CENPF: variants seen among roughly 807,000 people sequenced by gnomAD.
CENPF encodes centromere protein F.
In CENPF, 214 loss-of-function variants were observed where a neutral mutation model predicts 307.3. That is an observed-to-expected ratio of 0.70 (90% CI 0.62 to 0.78). The LOEUF (loss-of-function observed/expected upper bound fraction) is 0.78, where lower values mean the gene tolerates loss of function less well. CENPF is among the 30% of genes least tolerant of loss of function. CENPF has a pLI of 0.00. For missense variants in CENPF, 3,401 were observed against 3,483.9 expected, an observed-to-expected ratio of 0.98 and a Z score of 0.60; for synonymous variants, 1,259 against 1,270.6, an observed-to-expected ratio of 0.99 and a Z score of 0.19.
At chr1:214,616,466 G>A (rs1657341874) in intron 3 of CENPF, among the ~76,000 whole-genome samples, 1 of 152,126 alleles carries the variant, frequency 6.6e-6, no homozygotes. Flanking sequence ...TGTGGCTGGT[G>A]CAAATTGAGA....
intron 8 of CENPF, 79 bp from the exon 9 acceptor site, chr1:214,630,455 G>T (rs532353485): frequency 6.4e-7 from 1 of 1,560,786 alleles, no homozygotes; most frequent in Non-Finnish European, 8.7e-7. Context: ...GCAGTCGCCT[G>T]TTAGGATGCT....
chr1:214,617,038 CTTCTTT>C (rs968023111), intron 3 of CENPF, among the ~76,000 whole-genome samples: 20 of 134,880 alleles, frequency 1.5e-4, no homozygotes, highest in African/African-American at 5.5e-4. Context: ...TTCTTTCTTT[CTTCTTT>C]TTCTTTTTCT....
chr1:214,622,397 A>T (rs990911260), intron 7 of CENPF, 116 bp downstream of exon 7: 1 of 883,512 alleles, frequency 1.1e-6, no homozygotes, highest in Non-Finnish European at 1.7e-6. Context: ...GTTAATATAT[A>T]TTAGGTACTC....
At position 214,646,635 on chromosome 1, in the gene CENPF, A is replaced by G; in HGVS notation, c.7065A>G (p.Ala2355=). 1 of 1,613,708 alleles carries G rather than the reference A, an allele frequency of 6.2e-7. No homozygotes were observed. Among genetic ancestry groups the G allele is most frequent in the Middle Eastern group, 1.7e-4 (1 of 6,060 alleles). The change falls in exon 13 of 20, where the codon GCA becomes GCG. Residue 2355 remains alanine (A), a synonymous_variant. Transcript: ENST00000366955. The part of the protein sequence containing the change: ...LEIARTNQEH[A]ALEAENSKGE... ...TAGCCAGGACAAACCAAGAGCATGCAGCTCTTGAGGCAGAGAATTCCAAAG... is the reference window on the plus strand; with the variant it reads ...TAGCCAGGACAAACCAAGAGCATGCGGCTCTTGAGGCAGAGAATTCCAAAG...
chr1:214,646,335 A>C lies in CENPF; in HGVS notation c.6765A>C (p.Lys2255Asn), dbSNP rs771777220. Residue 2255 changes from lysine (K) to asparagine (N), a missense_variant, in exon 13 of 20, where the codon AAA (lysine) becomes AAC (asparagine). Coordinates refer to ENST00000366955, the MANE Select transcript of CENPF (RefSeq NM_016343.4). Reference protein sequence around the residue: ...QAEIQIKEESKTAVEMLQNQL... With the variant: ...QAEIQIKEESNTAVEMLQNQL... Reference sequence around the variant, plus strand: ...AGATACAGATCAAAGAAGAATCTAAAACTGCAGTGGAGATGCTTCAGAATC... The same window carrying C: ...AGATACAGATCAAAGAAGAATCTAACACTGCAGTGGAGATGCTTCAGAATC... 1.9e-6 allele frequency: 3 copies of C among 1,613,954 alleles called. No individual in the cohort carries two copies. Among genetic ancestry groups the C allele is most frequent in the Non-Finnish European group, 2.5e-6 (3 of 1,180,008 alleles).
At position 214,648,730 on chromosome 1, in the gene CENPF, C is replaced by T. The variant is rs1658378388; in HGVS notation, c.7886C>T (p.Ala2629Val). The change falls in exon 14 of 20, where the codon GCA becomes GTA. Residue 2629 changes from alanine to valine, a missense_variant. Coordinates refer to ENST00000366955, the MANE Select transcript of CENPF (RefSeq NM_016343.4). ...TELQREMHEM[A>V]QKTAELQEEL... ...CTGCAGAGGGAAATGCATGAGATGG[C>T]ACAGAAAACAGCAGAGCTGCAAGAA... 6.2e-7 allele frequency: 1 copy of T among 1,613,848 alleles called. No individual in the cohort carries two copies. The highest frequency in any genetic ancestry group is 8.5e-7 in the Non-Finnish European group (1 of 1,179,944).
intron 9 of CENPF, among the ~76,000 whole-genome samples, chr1:214,631,640 C>T (rs1024468333): frequency 6.6e-6 from 1 of 152,208 alleles, no homozygotes; most frequent in African/African-American, 2.4e-5. Context: ...GCTGGGATTA[C>T]AGGCGCCTGC....
At position 214,652,506 on chromosome 1, in the gene CENPF, C is replaced by A. The variant is rs1368617405; in HGVS notation, c.8161-322C>A. On this transcript the variant is annotated intron_variant, in intron 15 of 19. Coordinates refer to ENST00000366955, the MANE Select transcript of CENPF (RefSeq NM_016343.4). ...TCACCCAGGCTAGAGTGCAGTGGCA[C>A]AATCTTGGCTCACTGCAGCCTCTGC... Among the ~76,000 whole-genome samples the A allele has an allele frequency of 5.5e-5, 8 of 145,766 alleles. No individual in the cohort carries two copies. The South Asian group carries it at 1.3e-3, about 24-fold the overall frequency.
In CENPF at chr1:214,642,267, T is replaced by C. The variant is rs768257584; in HGVS notation, c.3929T>C (p.Leu1310Pro). The change falls in exon 12 of 20, where the codon CTG becomes CCG. Residue 1310 changes from leucine (L) to proline (P), a missense_variant. Leu to Pro is a moderately conservative substitution (Grantham distance 98, BLOSUM62 -3). Coordinates refer to ENST00000366955, the MANE Select transcript of CENPF (RefSeq NM_016343.4). ...LNELEKICEI[L>P]QAEKYELVTE... is the part of the protein sequence containing the mutation. ...GAGCTAGAGAAAATATGTGAAATACTGCAGGCTGAAAAGTATGAACTCGTA... is the reference window on the plus strand; with the variant it reads ...GAGCTAGAGAAAATATGTGAAATACCGCAGGCTGAAAAGTATGAACTCGTA... 1.1e-5 allele frequency: 18 copies of C among 1,613,784 alleles called. No individual in the cohort carries two copies. The Admixed American group carries it at 2.3e-4, about 21-fold the overall frequency.
Position 214,645,315 on chromosome 1 carries a change from G to T in CENPF, c.5745G>T (p.Glu1915Asp), listed in dbSNP as rs761949997. 3 of 1,614,118 alleles carry T rather than the reference G, an allele frequency of 1.9e-6. No individual in the cohort carries two copies. The highest frequency in any genetic ancestry group is 2.5e-6 in the Non-Finnish European group (3 of 1,179,998). Residue 1915 changes from glutamate (E) to aspartate (D), a missense_variant, in exon 13 of 20, where the codon GAG (glutamate) becomes GAT (aspartate). Coordinates refer to ENST00000366955, the MANE Select transcript of CENPF (RefSeq NM_016343.4). ...SRIRSEKASIEHEALYLEADL... is the reference protein window; with the variant it reads ...SRIRSEKASIDHEALYLEADL... ...TCAGATCGGAGAAAGCTAGCATTGA[G>T]CATGAAGCCCTCTACCTGGAGGCTG... is the stretch of plus-strand genomic sequence containing the variant.
At chr1:214,626,852 C>A (rs1033781538) in intron 7 of CENPF, among the ~76,000 whole-genome samples, 8 of 152,154 alleles carry the variant, frequency 5.3e-5, no homozygotes, top group African/African-American at 1.9e-4. Flanking sequence ...AGCTAATTTT[C>A]AGTTGCATTT....
At chr1:214,636,321 A>C (rs1305279121) in intron 10 of CENPF, among the ~76,000 whole-genome samples, 2 of 152,172 alleles carry the variant, frequency 1.3e-5, no homozygotes, top group Non-Finnish European at 2.9e-5. Context: ...TTGCACCTTA[A>C]TGATCGTGCT....
rs1221252225 is a variant in CENPF, at chr1:214,658,841, TGCCC to T, written c.8963-8_8963-5del. ...TAGCAGTGCTGACAGTTATTTTTTT[TGCCC>T]TTAGGGTTTGCTGACATCCCGACAG... On this transcript the variant is annotated splice_region_variant and splice_polypyrimidine_tract_variant and intron_variant, in intron 18 of 19. Coordinates refer to ENST00000366955, the MANE Select transcript of CENPF (RefSeq NM_016343.4). 1.9e-6 allele frequency: 3 copies of T among 1,612,968 alleles called. No individual in the cohort carries two copies. Among genetic ancestry groups the T allele is most frequent in the Admixed American group, 1.7e-5 (1 of 59,868 alleles).
chr1:214,643,542 A>G (rs1277730726), intron 12 of CENPF, among the ~76,000 whole-genome samples: 1 of 152,222 alleles, frequency 6.6e-6, no homozygotes, highest in African/African-American at 2.4e-5. Flanking sequence ...TTAGATTTAC[A>G]TAGCATTATA....
chr1:214,641,401 A>G lies in CENPF; in HGVS notation c.3063A>G (p.Glu1021=). Residue 1021 remains glutamate (E), a synonymous_variant, in exon 12 of 20, where the codon GAA becomes GAG. Transcript: ENST00000366955. ...AGTTATCTGATCAGTACAAGCAAGA[A>G]AAACTTATTTTACTACAAAGATGTG... ...ISELSDQYKQ[E]KLILLQRCEE... The G allele has an allele frequency of 1.3e-6, 2 of 1,578,838 alleles. No individual in the cohort carries two copies. The highest frequency in any genetic ancestry group is 1.4e-5 in the African/African-American group (1 of 72,628).
chr1:214,606,090 C>T (rs1467292304), intron 1 of CENPF: 7 of 1,586,372 alleles, frequency 4.4e-6, no homozygotes, highest in African/African-American at 2.7e-5. Context: ...CTGGAGGCGC[C>T]GGAGCAGGGT....
chr1:214,657,296 CAG>C lies in CENPF; in HGVS notation c.8854_8855del (p.Ser2952LeufsTer3), dbSNP rs1431764166. ...GGTAGAGGACCAACACCTGCTACCC[CAG>C]AGAGCTTTTCTAAAAAAAGCAAGAA... On this transcript the variant is annotated frameshift_variant, in exon 18 of 20. Coordinates refer to ENST00000366955, the MANE Select transcript of CENPF (RefSeq NM_016343.4). LOFTEE classifies it high-confidence loss of function. The C allele has an allele frequency of 3.1e-6, 5 of 1,613,966 alleles. No individual in the cohort carries two copies. The East Asian group carries it at 1.1e-4, about 36-fold the overall frequency.
chr1:214,659,808 A>C lies in CENPF; in HGVS notation c.9141+780A>C, dbSNP rs912421158. Among the ~76,000 whole-genome samples, 6 of 152,178 alleles carry C rather than the reference A, an allele frequency of 3.9e-5. No individual in the cohort carries two copies. The highest frequency in any genetic ancestry group is 9.7e-5 in the African/African-American group (4 of 41,448). ...ACTTCCTCTCAACTCCACAGTCTTG[A>C]TCTTTCTACGATACCAGTGTTTCTC... On this transcript the variant is annotated intron_variant, in intron 19 of 19. Transcript: ENST00000366955. The surrounding 1 kb of genome is among the most constrained non-coding windows in gnomAD (Gnocchi z 4.4).
Position 214,644,955 on chromosome 1 carries a change from A to G in CENPF, c.5385A>G (p.Arg1795=). ...TTCATGTGATAGAGGACCGTGACAG[A>G]AAAGTTGAAAGTTTGCTAAATGAAA... ...RLLHVIEDRD[R]KVESLLNEMK... The change falls in exon 13 of 20, where the codon AGA becomes AGG. Residue 1795 remains arginine, a synonymous_variant. Coordinates refer to ENST00000366955, the MANE Select transcript of CENPF (RefSeq NM_016343.4). 6.2e-7 allele frequency: 1 copy of G among 1,613,060 alleles called. No individual in the cohort carries two copies. The highest frequency in any genetic ancestry group is 8.5e-7 in the Non-Finnish European group (1 of 1,179,652).
Sources: allele counts gnomAD v4.1 joint callset (sites outside exome capture counted in the v4.1 genomes callset), GRCh38; gene constraint gnomAD v4.1.1; non-coding constraint Gnocchi (gnomAD v3.1); transcripts MANE v1.5; gene names NCBI Gene and HGNC (gene_info 2026-07-23, HGNC 2026-07-21).